The following VPS41 variants were observed in gnomAD, a reference collection of about 807,000 sequenced individuals.
VPS41 encodes the protein vacuolar protein sorting-associated protein 41 homolog.
Under a neutral mutation model 130.9 loss-of-function variants are expected in VPS41, and 85 were observed. The observed-to-expected ratio is 0.65, with a 90% CI of 0.55 to 0.78. The LOEUF (loss-of-function observed/expected upper bound fraction) is 0.78. VPS41 is among the 30% of genes least tolerant of loss of function. The pLI is 0.00. For synonymous variants in VPS41, 335 were observed against 332.9 expected (o/e 1.01, Z -0.07); for missense variants, 874 against 1,018.7 (o/e 0.86, Z 1.93).
rs578125604 is a variant in VPS41 at position 38,732,417 on chromosome 7, T to C, written c.2260-3626A>G. Among the ~76,000 whole-genome samples, 3 of 152,324 alleles carry C rather than the reference T, an allele frequency of 2.0e-5. No homozygotes were observed. The South Asian group carries it at 6.2e-4, about 32-fold the overall frequency. On this transcript the variant is annotated intron_variant, in intron 25 of 28. Transcript: ENST00000310301. ...GCATTTTATACTCCCACATATTAAGTTGGATATCTAATAAAAATATCTTCC... is the reference window on the plus strand; with the variant it reads ...GCATTTTATACTCCCACATATTAAGCTGGATATCTAATAAAAATATCTTCC...
Position 38,754,685 on chromosome 7 carries a change from G to A in VPS41, c.1788+17C>T, listed in dbSNP as rs1365482031. ...TGGTCAATCAAAAGGGCAAAAGGAG[G>A]AGACTGCCATGCTCACCACATGCTG... is the stretch of plus-strand genomic sequence containing the variant. On this transcript the variant is annotated intron_variant, in intron 21 of 28. Coordinates refer to ENST00000310301, the MANE Select transcript of VPS41 (RefSeq NM_014396.4). 1.9e-6 allele frequency: 3 copies of A among 1,610,838 alleles called. No homozygotes were observed. Among genetic ancestry groups the A allele is most frequent in the African/African-American group, 2.7e-5 (2 of 74,812 alleles).
chr7:38,813,857 A>G (rs1220970459), intron 7 of VPS41, among the ~76,000 whole-genome samples: 1 of 152,204 alleles, frequency 6.6e-6, no homozygotes, highest in Non-Finnish European at 1.5e-5. Context: ...AGATGTCAAC[A>G]GATGCATTTT....
At chr7:38,789,646 C>G (rs887150533) in intron 10 of VPS41, among the ~76,000 whole-genome samples, 155 bp downstream of exon 10, 1 of 152,124 alleles carries the variant, frequency 6.6e-6, no homozygotes, top group Non-Finnish European at 1.5e-5. Context: ...GTGGGGACAG[C>G]AGATGACAGT....
Position 38,805,361 on chromosome 7 carries a change from C to T in VPS41, c.451-8497G>A, listed in dbSNP as rs144429543. 8.0e-3 allele frequency among the ~76,000 whole-genome samples: 1,215 copies of T among 152,114 alleles called. 18 individuals are homozygous for T. Among genetic ancestry groups the T allele is most frequent in the African/African-American group, 0.028 (1,161 of 41,502 alleles). On this transcript the variant is annotated intron_variant, in intron 7 of 28. Coordinates refer to ENST00000310301, the MANE Select transcript of VPS41 (RefSeq NM_014396.4). ...CATCCTGGCCAACATGGTGAAGCTC[C>T]GTCTCTACTAAAAATACAAAAATTA... is the stretch of plus-strand genomic sequence containing the variant.
At chr7:38,834,024 A>G (rs911324809) in intron 4 of VPS41, among the ~76,000 whole-genome samples, 46 of 152,228 alleles carry the variant, frequency 3.0e-4, no homozygotes, top group Middle Eastern at 6.8e-3. Context: ...AATTTTCTAT[A>G]TTGATAAAAG....
At chr7:38,893,026 C>G (rs968971758) in intron 2 of VPS41, among the ~76,000 whole-genome samples, 36 of 152,272 alleles carry the variant, frequency 2.4e-4, no homozygotes, top group African/African-American at 8.2e-4. Flanking sequence ...AATGGTCTTC[C>G]TGCTATCATC....
intron 2 of VPS41, among the ~76,000 whole-genome samples, chr7:38,880,926 C>T (rs1345833856): frequency 6.6e-6 from 1 of 152,184 alleles, no homozygotes; most frequent in East Asian, 1.9e-4. Flanking sequence ...ACAGTATTAG[C>T]AGTTTCGTCA....
intron 11 of VPS41, among the ~76,000 whole-genome samples, chr7:38,774,689 C>T (rs528940569): frequency 6.6e-6 from 1 of 152,194 alleles, no homozygotes; most frequent in East Asian, 1.9e-4. Context: ...AGAAAAGGCT[C>T]TTTTATATGT....
intron 4 of VPS41, among the ~76,000 whole-genome samples, chr7:38,850,740 A>G (rs930483906): frequency 1.3e-5 from 2 of 152,182 alleles, no homozygotes; most frequent in Non-Finnish European, 2.9e-5. Context: ...AAATCAATTT[A>G]GAACTTTACA....
chr7:38,726,836 T>G, intron 28 of VPS41, 73 bp downstream of exon 28: 2 of 1,334,350 alleles, frequency 1.5e-6, no homozygotes, highest in Non-Finnish European at 2.0e-6. Context: ...GGATGAAGGG[T>G]TACAGTTTAA....
At chr7:38,755,999 T>C (rs931384435) in intron 19 of VPS41, among the ~76,000 whole-genome samples, 2 of 152,204 alleles carry the variant, frequency 1.3e-5, no homozygotes, top group African/African-American at 4.8e-5. Context: ...GACGTAGCTC[T>C]AGCTCCTATC....
chr7:38,888,287 C>G (rs940475147), intron 2 of VPS41, among the ~76,000 whole-genome samples: 1 of 151,998 alleles, frequency 6.6e-6, no homozygotes, highest in African/African-American at 2.4e-5. Flanking sequence ...ACCTACCTCA[C>G]ATGCAAAGAC....
intron 4 of VPS41, among the ~76,000 whole-genome samples, chr7:38,848,716 G>GGGCT (rs954701295): frequency 2.0e-5 from 3 of 152,136 alleles, no homozygotes; most frequent in African/African-American, 4.8e-5. Context: ...ACGTGTGGCA[G>GGGCT]GGCTGGCTGG....
At chr7:38,872,603 T>C (rs1786394364) in intron 2 of VPS41, among the ~76,000 whole-genome samples, 1 of 152,152 alleles carries the variant, frequency 6.6e-6, no homozygotes, top group African/African-American at 2.4e-5. Context: ...TAAGAACTAA[T>C]AGCAACAAAA....
intron 4 of VPS41, among the ~76,000 whole-genome samples, chr7:38,841,705 G>A (rs1002697198): frequency 6.6e-6 from 1 of 152,226 alleles, no homozygotes; most frequent in African/African-American, 2.4e-5. Flanking sequence ...CTGGGTTCAA[G>A]CAATTCTCCT....
At chr7:38,846,852 G>A (rs1381556247) in intron 4 of VPS41, among the ~76,000 whole-genome samples, 1 of 152,140 alleles carries the variant, frequency 6.6e-6, no homozygotes, top group Non-Finnish European at 1.5e-5. Flanking sequence ...GGCAGATGAT[G>A]GAGGATAAAA....
chr7:38,810,113 T>TC (rs2116059119), intron 7 of VPS41, among the ~76,000 whole-genome samples: 1 of 152,142 alleles, frequency 6.6e-6, no homozygotes, highest in East Asian at 1.9e-4. Context: ...TTTTTTTTTT[T>TC]CAAGATGGAA....
At chr7:38,739,971 T>C (rs796858277) in intron 25 of VPS41, among the ~76,000 whole-genome samples, 7 of 152,354 alleles carry the variant, frequency 4.6e-5, no homozygotes, top group African/African-American at 1.7e-4. Flanking sequence ...CTCAGAATGA[T>C]GCAAATTTAT....
At chr7:38,841,983 C>A (rs1368553402) in intron 4 of VPS41, among the ~76,000 whole-genome samples, 3 of 152,214 alleles carry the variant, frequency 2.0e-5, no homozygotes, top group African/African-American at 7.2e-5. Context: ...TATTTTCAAT[C>A]CAGCTCAGGC....
Sources: allele counts gnomAD v4.1 joint callset (sites outside exome capture counted in the v4.1 genomes callset), GRCh38; gene constraint gnomAD v4.1.1; transcripts MANE v1.5; gene names NCBI Gene and HGNC (gene_info 2026-07-23, HGNC 2026-07-21).